Variants in FBXW7 observed in about 807,000 individuals in gnomAD.
FBXW7 encodes F-box/WD repeat-containing protein 7.
Under a neutral mutation model 86.3 loss-of-function variants are expected in FBXW7, and 11 were observed. That is an observed-to-expected ratio of 0.13 (90% CI 0.08 to 0.21). FBXW7 has a LOEUF of 0.21. Among genes scored for constraint, FBXW7 ranks in the 10% least tolerant of loss-of-function variants. The pLI, the probability that FBXW7 is intolerant of heterozygous loss-of-function variation, is 1.00. For missense variants in FBXW7, 488 were observed against 847.4 expected, an observed-to-expected ratio of 0.58 and a Z score of 5.27; for synonymous variants, 313 against 297.9, an observed-to-expected ratio of 1.05 and a Z score of -0.52.
chr4:152,348,726 G>T, intron 5 of FBXW7: 1 of 1,165,994 alleles, frequency 8.6e-7, no homozygotes, highest in Non-Finnish European at 1.1e-6. Context: ...TTAAAAAATA[G>T]CATTAACAGT....
chr4:152,440,198 A>T (rs1030534198), intron 2 of FBXW7, among the ~76,000 whole-genome samples: 5 of 152,144 alleles, frequency 3.3e-5, no homozygotes, highest in South Asian at 2.1e-4. Flanking sequence ...TTCTAAAAAA[A>T]TTTTTTTTCA....
chr4:152,480,270 C>T (rs931199868), intron 2 of FBXW7, among the ~76,000 whole-genome samples: 6 of 152,072 alleles, frequency 3.9e-5, no homozygotes, highest in South Asian at 2.1e-4. Context: ...GATCTGTGAT[C>T]TTTGATGTTA....
intron 2 of FBXW7, among the ~76,000 whole-genome samples, chr4:152,444,766 A>T (rs1579217727): frequency 6.6e-6 from 1 of 152,194 alleles, no homozygotes; most frequent in Non-Finnish European, 1.5e-5. Context: ...GATTCTTTCA[A>T]TGTGCCCTGA....
intron 2 of FBXW7, among the ~76,000 whole-genome samples, chr4:152,441,859 GCTC>G (rs1188067085): frequency 6.6e-6 from 1 of 152,092 alleles, no homozygotes; most frequent in Non-Finnish European, 1.5e-5. Context: ...ACAAAACTTT[GCTC>G]CTATGCTCAC....
chr4:152,400,999 C>T (rs1429628521), intron 4 of FBXW7, among the ~76,000 whole-genome samples: 2 of 152,160 alleles, frequency 1.3e-5, no homozygotes, highest in African/African-American at 4.8e-5. Context: ...AGATACCATA[C>T]ACACCTATCA....
intron 2 of FBXW7, among the ~76,000 whole-genome samples, chr4:152,442,003 C>T (rs542388768): frequency 1.3e-5 from 2 of 152,256 alleles, no homozygotes; most frequent in East Asian, 3.9e-4. Flanking sequence ...AAAAAGTAAC[C>T]TCAATCGGAA....
intron 2 of FBXW7, among the ~76,000 whole-genome samples, chr4:152,510,944 T>A (rs1470950805): frequency 1.3e-5 from 2 of 152,092 alleles, no homozygotes; most frequent in Non-Finnish European, 2.9e-5. Context: ...GCCTTCGATA[T>A]ACATTAAATA....
intron 7 of FBXW7, among the ~76,000 whole-genome samples, chr4:152,335,167 C>G (rs1729945736): frequency 6.6e-6 from 1 of 152,098 alleles, no homozygotes; most frequent in Non-Finnish European, 1.5e-5. Context: ...CCCTCAAATT[C>G]ATGTTGAAAT....
chr4:152,384,354 G>C (rs1016916128), intron 4 of FBXW7, among the ~76,000 whole-genome samples: 2 of 152,056 alleles, frequency 1.3e-5, no homozygotes, highest in Admixed American at 6.6e-5. Context: ...CTCTGAAAAA[G>C]AAGGAAATTC....
At chr4:152,382,529 C>G in intron 4 of FBXW7, 3 of 1,159,160 alleles carry the variant, frequency 2.6e-6, no homozygotes, top group Non-Finnish European at 3.2e-6. Flanking sequence ...TGGTGAAGTG[C>G]AAACTATCCT....
intron 2 of FBXW7, among the ~76,000 whole-genome samples, chr4:152,466,859 G>T (rs188482650): frequency 9.2e-5 from 14 of 151,566 alleles, no homozygotes; most frequent in African/African-American, 3.4e-4. Flanking sequence ...GGAGAATGGC[G>T]TGAACCCAGG....
At chr4:152,385,471 A>G (rs912670498) in intron 4 of FBXW7, among the ~76,000 whole-genome samples, 3 of 151,992 alleles carry the variant, frequency 2.0e-5, no homozygotes, top group Admixed American at 2.0e-4. Flanking sequence ...CCTGATCTCA[A>G]TGAGTCTGAT....
In FBXW7 at chr4:152,382,570, T is replaced by G. The variant is rs1057383353; in HGVS notation, c.501+28733A>C. ...AGCCAGGAATTATAAACTACTGAAG[T>G]GAAAGCTCCTGCTCCTGCCAGTCAA... is the stretch of plus-strand genomic sequence containing the variant. On this transcript the variant is annotated intron_variant, in intron 4 of 13. Transcript: ENST00000281708. The G allele has an allele frequency of 4.4e-6, 4 of 918,136 alleles. No homozygotes were observed. In the East Asian group the frequency reaches 1.5e-4, roughly 34 times the overall value. The allele number at this position is 918,136 out of a possible 1,614,324, so 56.9% of individuals were successfully genotyped here.
chr4:152,374,892 G>GA (rs1304582147), intron 4 of FBXW7, among the ~76,000 whole-genome samples: 1 of 152,000 alleles, frequency 6.6e-6, no homozygotes, highest in Middle Eastern at 3.2e-3. Flanking sequence ...ACAGGAGGGG[G>GA]GGGGATGATG....
chr4:152,326,306 C>T (rs1277783989), intron 11 of FBXW7, 75 bp from the exon 12 acceptor site: 1 of 876,426 alleles, frequency 1.1e-6, no homozygotes, highest in African/African-American at 1.8e-5. Context: ...TATGAGAAAA[C>T]ATGGTAGATT....
At chr4:152,473,637 C>T (rs531485151) in intron 2 of FBXW7, among the ~76,000 whole-genome samples, 36 of 152,128 alleles carry the variant, frequency 2.4e-4, no homozygotes, top group Non-Finnish European at 2.5e-4. Flanking sequence ...TGCACCACCA[C>T]GCCTGCCTAA....
chr4:152,438,013 A>C (rs1242192190), intron 2 of FBXW7, among the ~76,000 whole-genome samples: 1 of 151,952 alleles, frequency 6.6e-6, no homozygotes, highest in African/African-American at 2.4e-5. Flanking sequence ...GGTCTCTACT[A>C]AAAATATAAA....
At chr4:152,405,974 G>C (rs1207405044) in intron 4 of FBXW7, among the ~76,000 whole-genome samples, 1 of 152,218 alleles carries the variant, frequency 6.6e-6, no homozygotes, top group African/African-American at 2.4e-5. Context: ...TAAGGTGAAT[G>C]ATCGGAGCTT....
At chr4:152,325,544 G>T (rs1728943411) in intron 12 of FBXW7, 1 of 155,740 alleles carries the variant, frequency 6.4e-6, no homozygotes, top group Admixed American at 6.3e-5. Flanking sequence ...AAATCAGTGG[G>T]CCTGGGACAG....
Sources: gnomAD v4.1 joint callset for allele counts (sites outside exome capture counted in the v4.1 genomes callset) on GRCh38, gnomAD v4.1.1 for gene constraint, MANE v1.5 for transcripts, NCBI Gene and HGNC (gene_info 2026-07-23, HGNC 2026-07-21) for gene names.